DRG2: variants seen among roughly 807,000 people sequenced by gnomAD.
DRG2 encodes the protein developmentally-regulated GTP-binding protein 2.
A neutral mutation model predicts 53.4 loss-of-function variants in DRG2; 36 were observed. The observed-to-expected ratio is 0.67, with a 90% CI of 0.52 to 0.89. DRG2 has a LOEUF of 0.89. Ranked by LOEUF, DRG2 falls within the 40% of genes least tolerant of loss-of-function variation. DRG2 has a pLI of 0.00. For missense variants in DRG2, 342 were observed against 481.2 expected, an observed-to-expected ratio of 0.71 and a Z score of 2.71; for synonymous variants, 167 against 192.1, an observed-to-expected ratio of 0.87 and a Z score of 1.08.
Position 18,100,040 on chromosome 17 carries a change from A to G in DRG2, c.467+317A>G. 1.7e-6 allele frequency: 1 copy of G among 575,958 alleles called. No individual in the cohort carries two copies. Among genetic ancestry groups the G allele is most frequent in the Non-Finnish European group, 3.1e-6 (1 of 322,800 alleles). The allele number at this position is 575,958 out of a possible 1,614,324, so 35.7% of individuals were successfully genotyped here. ...AGCCCCAGGCACAGAAGCATTGTTC[A>G]TCCACATCCTGGCAGAGGGGTACAC... is the stretch of plus-strand genomic sequence containing the variant. On this transcript the variant is annotated intron_variant, in intron 5 of 12. Coordinates refer to ENST00000225729, the MANE Select transcript of DRG2 (RefSeq NM_001388.5). The surrounding 1 kb of genome is among the most constrained non-coding windows in gnomAD (Gnocchi z 4.1).
At chr17:18,094,974 CAAAAAAAAAAAAAAA>C (rs1165321853) in intron 2 of DRG2, among the ~76,000 whole-genome samples, 6 of 25,316 alleles carry the variant, frequency 2.4e-4, no homozygotes, top group Non-Finnish European at 4.2e-4. Context: ...AACTCCATCT[CAAAAAAAAAAAAAAA>C]AAAAAAAAAA....
chr17:18,099,353 A>G lies in DRG2; in HGVS notation c.376+276A>G. On this transcript the variant is annotated intron_variant, in intron 4 of 12. Coordinates refer to ENST00000225729, the MANE Select transcript of DRG2 (RefSeq NM_001388.5). The surrounding 1 kb of genome is among the most constrained non-coding windows in gnomAD (Gnocchi z 4.4). ...ATAGTTTTGAGGATTAAGTGAGGAA[A>G]TGTTCAGGAAGCATTTAGCCTGGGC... The G allele has an allele frequency of 1.6e-6, 1 of 610,458 alleles. No homozygotes were observed. The highest frequency in any genetic ancestry group is 2.9e-6 in the Non-Finnish European group (1 of 346,648). The allele number at this position is 610,458 out of a possible 1,614,324, so 37.8% of individuals were successfully genotyped here.
intron 1 of DRG2, among the ~76,000 whole-genome samples, chr17:18,088,734 C>A (rs1361436190): frequency 6.6e-6 from 1 of 152,114 alleles, no homozygotes; most frequent in African/African-American, 2.4e-5. Flanking sequence ...AAGTAAACAC[C>A]CCAACATAGA....
chr17:18,102,743 C>T (rs2045563100), intron 9 of DRG2, among the ~76,000 whole-genome samples: 1 of 152,030 alleles, frequency 6.6e-6, no homozygotes, highest in Admixed American at 6.5e-5. Context: ...TGTCTGATCA[C>T]AGCTCAAAGG....
At chr17:18,091,764 A>G (rs1163250624) in intron 1 of DRG2, among the ~76,000 whole-genome samples, 1 of 152,196 alleles carries the variant, frequency 6.6e-6, no homozygotes, top group African/African-American at 2.4e-5. Context: ...AGGCTGAGGT[A>G]GGAGAATCTC....
At chr17:18,094,826 T>G (rs1184694031) in intron 2 of DRG2, among the ~76,000 whole-genome samples, 1 of 150,976 alleles carries the variant, frequency 6.6e-6, no homozygotes, top group South Asian at 2.1e-4. Context: ...AATACAAAAT[T>G]AGCCAGGGGT....
At position 18,101,568 on chromosome 17, in the gene DRG2, G is replaced by A. The variant is rs749974445; in HGVS notation, c.707G>A (p.Arg236Gln). Reference sequence around the variant, plus strand: ...TTCATCGATGTGATCGTGGGCAACCGGGTGTACATGCCCTGCCTGTATGTA... The same window carrying A: ...TTCATCGATGTGATCGTGGGCAACCAGGTGTACATGCCCTGCCTGTATGTA... ...DEFIDVIVGN[R>Q]VYMPCLYVYN... The change falls in exon 8 of 13, where the codon CGG becomes CAG. Residue 236 changes from arginine to glutamine, a missense_variant. Physicochemically the swap from Arg to Gln is conservative, Grantham distance 43. Transcript: ENST00000225729. The A allele has an allele frequency of 1.4e-5, 23 of 1,614,036 alleles. No homozygotes were observed. Among genetic ancestry groups the A allele is most frequent in the Admixed American group, 3.3e-5 (2 of 60,006 alleles).
At position 18,107,295 on chromosome 17, in the gene DRG2, C is replaced by T; in HGVS notation, c.*55C>T. ...CCTCGTCTCCCTGGGGAGGTGGTCC[C>T]ACTGGGACACACAAACACCCAAACA... On this transcript the variant is annotated 3_prime_UTR_variant, in exon 13 of 13. Transcript: ENST00000225729. The T allele has an allele frequency of 1.3e-6, 2 of 1,541,430 alleles. No homozygotes were observed. The highest frequency in any genetic ancestry group is 1.8e-6 in the Non-Finnish European group (2 of 1,122,082).
Position 18,100,762 on chromosome 17 carries a change from G to T in DRG2, c.631+103G>T. 8.5e-7 allele frequency: 1 copy of T among 1,178,112 alleles called. No homozygotes were observed. Among genetic ancestry groups the T allele is most frequent in the African/African-American group, 1.5e-5 (1 of 65,986 alleles). The allele number at this position is 1,178,112 out of a possible 1,614,324, so 73.0% of individuals were successfully genotyped here. On this transcript the variant is annotated intron_variant, in intron 7 of 12. Transcript: ENST00000225729. This position sits in a 1 kb window ranked among gnomAD's most constrained non-coding sequence, Gnocchi z 4.1. ...GCCTCATGGAGCAGGGTGGCAGCAG[G>T]TCACCCCCACTGCCCCTGCTGTCCA... is the stretch of plus-strand genomic sequence containing the variant.
Position 18,100,428 on chromosome 17 carries a change from A to C in DRG2, c.533A>C (p.Tyr178Ser). The C allele has an allele frequency of 6.2e-7, 1 of 1,614,172 alleles. No individual in the cohort carries two copies. Among genetic ancestry groups the C allele is most frequent in the South Asian group, 1.1e-5 (1 of 91,088 alleles). ...IRLNKHKPNIYFKPKKGGGIS... is the reference protein window; with the variant it reads ...IRLNKHKPNISFKPKKGGGIS... The stretch of plus-strand genomic sequence containing the variant: ...CTCAACAAGCACAAGCCTAACATCT[A>C]CTTCAAGGTGAGGCACCTCTCTGGC... The change falls in exon 6 of 13, where the codon TAC becomes TCC. Residue 178 changes from tyrosine (Y) to serine (S), a missense_variant. Transcript: ENST00000225729. The surrounding 1 kb of genome is among the most constrained non-coding windows in gnomAD (Gnocchi z 4.1).
In DRG2 at chr17:18,100,529, C is replaced by G; in HGVS notation, c.541-40C>G. 1 of 1,613,468 alleles carries G rather than the reference C, an allele frequency of 6.2e-7. No individual in the cohort carries two copies. The highest frequency in any genetic ancestry group is 2.2e-5 in the East Asian group (1 of 44,870). On this transcript the variant is annotated intron_variant, in intron 6 of 12. Transcript: ENST00000225729. This position sits in a 1 kb window ranked among gnomAD's most constrained non-coding sequence, Gnocchi z 4.1. ...GGCTGTGGGACCATTGCTGTGACCC[C>G]TCGGTCAGCAGTTCTCCCCATCCCT... is the stretch of plus-strand genomic sequence containing the variant.
rs974984848 is a variant in DRG2 at position 18,101,519 on chromosome 17, C to T, written c.658C>T (p.Arg220Ter). The T allele has an allele frequency of 3.1e-6, 5 of 1,614,036 alleles. No homozygotes were observed. The African/African-American group carries it at 4.0e-5, about 13-fold the overall frequency. ...YKIFNAEVLF[R>*]EDCSPDEFID... ...GATCTTCAATGCAGAAGTGCTTTTC[C>T]GAGAAGACTGCTCCCCGGACGAGTT... is the stretch of plus-strand genomic sequence containing the variant. The change falls in exon 8 of 13, where the codon CGA becomes TGA. Residue 220 changes from arginine to a stop codon, truncating the protein, a stop_gained. Coordinates refer to ENST00000225729, the MANE Select transcript of DRG2 (RefSeq NM_001388.5). LOFTEE classifies it high-confidence loss of function.
At chr17:18,104,491 G>C in intron 10 of DRG2, 132 bp from the exon 11 acceptor site, 2 of 1,509,494 alleles carry the variant, frequency 1.3e-6, no homozygotes, top group Non-Finnish European at 1.8e-6. Context: ...TGTGCTGGAT[G>C]TCAGGGGGAG....
At chr17:18,090,406 A>ATATAT (rs1555532983) in intron 1 of DRG2, among the ~76,000 whole-genome samples, 19 of 22,688 alleles carry the variant, frequency 8.4e-4, no homozygotes, top group Non-Finnish European at 1.0e-3. Context: ...ATATATATAT[A>ATATAT]TTTTTTTTTT....
chr17:18,102,604 G>A lies in DRG2; in HGVS notation c.806+607G>A, dbSNP rs370365650. ...CCACTGCACTCCAGCCTGGGCGACA[G>A]AGCAAGACTCCATCTCAAAAAAAAA... On this transcript the variant is annotated intron_variant, in intron 9 of 12. Coordinates refer to ENST00000225729, the MANE Select transcript of DRG2 (RefSeq NM_001388.5). 2.8e-3 allele frequency among the ~76,000 whole-genome samples: 343 copies of A among 121,222 alleles called. 4 individuals carry two copies. Among genetic ancestry groups the A allele is most frequent in the African/African-American group, 0.011 (329 of 30,270 alleles). 79.5% of individuals were successfully genotyped at this position (121,222 alleles called of 152,430 possible).
Position 18,099,345 on chromosome 17 carries a change from G to A in DRG2, c.376+268G>A, listed in dbSNP as rs2045485387. ...TTTACAGCATAGTTTTGAGGATTAA[G>A]TGAGGAAATGTTCAGGAAGCATTTA... is the stretch of plus-strand genomic sequence containing the variant. On this transcript the variant is annotated intron_variant, in intron 4 of 12. Transcript: ENST00000225729. The surrounding 1 kb of genome is among the most constrained non-coding windows in gnomAD (Gnocchi z 4.4). 3 of 610,706 alleles carry A rather than the reference G, an allele frequency of 4.9e-6. No individual in the cohort carries two copies. The highest frequency in any genetic ancestry group is 8.6e-6 in the Non-Finnish European group (3 of 347,014). 37.8% of individuals were successfully genotyped at this position (610,706 alleles called of 1,614,324 possible). A position where few individuals can be genotyped will look rare whatever the true frequency, so the allele number is the denominator to read the frequency against.
chr17:18,104,673 G>A lies in DRG2; in HGVS notation c.946G>A (p.Glu316Lys). 6.2e-7 allele frequency: 1 copy of A among 1,613,890 alleles called. No individual in the cohort carries two copies. Among genetic ancestry groups the A allele is most frequent in the Non-Finnish European group, 8.5e-7 (1 of 1,180,032 alleles). The change falls in exon 11 of 13, where the codon GAG becomes AAG. Residue 316 changes from glutamate to lysine, a missense_variant. Coordinates refer to ENST00000225729, the MANE Select transcript of DRG2 (RefSeq NM_001388.5). ...AIILRKGASV[E>K]HVCHRIHRSL... ...CATTCTCCGGAAAGGGGCCTCAGTG[G>A]AGCACGTGGTGAGTTGACAAGACCT...
intron 2 of DRG2, among the ~76,000 whole-genome samples, chr17:18,095,199 G>T (rs1404438369): frequency 6.7e-6 from 1 of 150,178 alleles, no homozygotes; most frequent in Non-Finnish European, 1.5e-5. Context: ...TTTAGTAGAG[G>T]TGGGGTTTCA....
At chr17:18,106,328 A>G in intron 11 of DRG2, 105 bp from the exon 12 acceptor site, 1 of 1,309,730 alleles carries the variant, frequency 7.6e-7, no homozygotes, top group Admixed American at 1.7e-5. Flanking sequence ...TGCCGCGGGA[A>G]CTCCTGCCTC....
Sources: gnomAD v4.1 joint callset for allele counts (sites outside exome capture counted in the v4.1 genomes callset) on GRCh38, gnomAD v4.1.1 for gene constraint, Gnocchi (gnomAD v3.1) non-coding constraint, MANE v1.5 for transcripts, NCBI Gene and HGNC (gene_info 2026-07-23, HGNC 2026-07-21) for gene names.